The following TTC6 variants were observed in gnomAD, a reference collection of about 807,000 sequenced individuals.
The protein encoded by TTC6 is tetratricopeptide repeat domain 6, also known as tetratricopeptide repeat protein 6.
TTC6 carries 172 observed loss-of-function variants against 210.4 expected under a neutral mutation model. The observed-to-expected ratio is 0.82, with a 90% CI of 0.72 to 0.93. TTC6 has a LOEUF of 0.93. TTC6 is among the 40% of genes least tolerant of loss of function. The pLI is 0.00. For missense variants in TTC6, 2,414 were observed against 2,318.1 expected (o/e 1.04, Z -0.85); for synonymous variants, 804 against 819.6 (o/e 0.98, Z 0.32).
intron 14 of TTC6, among the ~76,000 whole-genome samples, chr14:37,783,530 T>C (rs1247117345): frequency 6.6e-6 from 1 of 152,176 alleles, no homozygotes; most frequent in Non-Finnish European, 1.5e-5. Flanking sequence ...TTTTTTTCTT[T>C]ATTAGTCTTG....
chr14:37,807,255 T>C (rs2096120271), intron 22 of TTC6, 65 bp from the exon 25 acceptor site: 3 of 1,367,078 alleles, frequency 2.2e-6, no homozygotes, highest in Non-Finnish European at 2.9e-6. Context: ...GTAGCATATA[T>C]TTTGGTAGAA....
At chr14:37,753,016 C>A in intron 13 of TTC6, 83 bp from the exon 16 acceptor site, 1 of 1,083,588 alleles carries the variant, frequency 9.2e-7, no homozygotes, top group Non-Finnish European at 1.2e-6. Context: ...AAGTTAAAAA[C>A]ATAGTTTTAG....
At chr14:37,827,330 A>T in exon 29 of TTC6, 1 of 1,613,170 alleles carries the variant, frequency 6.2e-7, no homozygotes, top group Non-Finnish European at 8.5e-7. Context: ...ACTTTAATGC[A>T]GGAAATATCT....
exon 1 of TTC6, chr14:37,622,463 G>A: frequency 6.5e-7 from 1 of 1,535,196 alleles, no homozygotes; most frequent in South Asian, 1.2e-5. Flanking sequence ...ACCAGGCCCT[G>A]AAAAAGCCCC....
At chr14:37,655,873 CTT>C (rs71433911) in intron 1 of TTC6, among the ~76,000 whole-genome samples, 26 of 144,062 alleles carry the variant, frequency 1.8e-4, no homozygotes, top group African/African-American at 3.6e-4. Flanking sequence ...TTGACTTCAG[CTT>C]TTTTTTTTTT....
At chr14:37,753,875 G>T (rs554663461) in intron 14 of TTC6, among the ~76,000 whole-genome samples, 5 of 149,732 alleles carry the variant, frequency 3.3e-5, no homozygotes, top group African/African-American at 1.2e-4. Context: ...GTTTTCATTT[G>T]TACATAGCAT....
intron 1 of TTC6, among the ~76,000 whole-genome samples, chr14:37,672,341 C>T (rs989683224): frequency 1.3e-5 from 2 of 152,078 alleles, no homozygotes; most frequent in Non-Finnish European, 2.9e-5. Context: ...AATTAGATTC[C>T]TATTGAACTT....
chr14:37,753,541 C>T (rs61627610), intron 14 of TTC6, among the ~76,000 whole-genome samples: 22,990 of 152,144 alleles, frequency 0.15, 1,920 homozygotes, highest in Non-Finnish European at 0.2. Context: ...GCACAGAAAA[C>T]TATTCATACA....
At chr14:37,768,517 T>G (rs1274383270) in intron 14 of TTC6, among the ~76,000 whole-genome samples, 1 of 152,154 alleles carries the variant, frequency 6.6e-6, no homozygotes, top group East Asian at 1.9e-4. Context: ...GGTCTTTCAC[T>G]TCCCTTGTAA....
chr14:37,677,071 G>A (rs1015432011), intron 1 of TTC6, among the ~76,000 whole-genome samples: 1 of 151,786 alleles, frequency 6.6e-6, no homozygotes, highest in Non-Finnish European at 1.5e-5. Flanking sequence ...ATGAATTTTA[G>A]GATCAGTTTT....
At chr14:37,787,735 T>C in intron 15 of TTC6, 98 bp downstream of exon 17, 1 of 940,056 alleles carries the variant, frequency 1.1e-6, no homozygotes, top group Non-Finnish European at 1.5e-6. Context: ...ACTAATGTAA[T>C]ATGTATACTA....
upstream of TTC6, among the ~76,000 whole-genome samples, chr14:37,617,491 G>A (rs1291951447): frequency 6.6e-6 from 1 of 152,122 alleles, no homozygotes. Flanking sequence ...ATGAGCACAT[G>A]TAAGTGGTTT....
At chr14:37,692,217 A>C (rs1595112249) in intron 3 of TTC6, among the ~76,000 whole-genome samples, 1 of 146,934 alleles carries the variant, frequency 6.8e-6, no homozygotes, top group African/African-American at 2.5e-5. Context: ...CCAAAAAAAA[A>C]AAAAAAAAAA....
intron 14 of TTC6, among the ~76,000 whole-genome samples, chr14:37,784,081 G>A (rs2139281846): frequency 6.6e-6 from 1 of 152,324 alleles, no homozygotes; most frequent in Non-Finnish European, 1.5e-5. Context: ...TAAGTCCGAT[G>A]TGGTGCTGAG....
intron 14 of TTC6, among the ~76,000 whole-genome samples, chr14:37,761,437 T>C (rs530566331): frequency 2.2e-4 from 33 of 152,042 alleles, no homozygotes; most frequent in Non-Finnish European, 2.8e-4. Flanking sequence ...GAACTCTTCC[T>C]ATGCGGCCAT....
intron 1 of TTC6, among the ~76,000 whole-genome samples, chr14:37,626,758 A>G (rs939561388): frequency 2.0e-4 from 30 of 152,186 alleles, no homozygotes; most frequent in Non-Finnish European, 3.5e-4. Flanking sequence ...AATCTGCAAC[A>G]AAAGCCTGCT....
intron 1 of TTC6, among the ~76,000 whole-genome samples, chr14:37,603,569 G>A (rs2095619739): frequency 6.6e-6 from 1 of 152,112 alleles, no homozygotes. Context: ...TAAATTTAGG[G>A]CGAAAGCTTT....
At chr14:37,600,632 C>A (rs1000355880) in intron 1 of TTC6, among the ~76,000 whole-genome samples, 2 of 152,172 alleles carry the variant, frequency 1.3e-5, no homozygotes, top group Non-Finnish European at 2.9e-5. Flanking sequence ...TATGCCATAT[C>A]CTTCACTTAG....
At chr14:37,781,248 G>A (rs1285404453) in intron 14 of TTC6, among the ~76,000 whole-genome samples, 2 of 152,166 alleles carry the variant, frequency 1.3e-5, no homozygotes, top group African/African-American at 2.4e-5. Flanking sequence ...CCCACCAACA[G>A]TGTAAAAGTG....
Sources: gnomAD v4.1 joint callset for allele counts (sites outside exome capture counted in the v4.1 genomes callset) on GRCh38, gnomAD v4.1.1 for gene constraint, MANE v1.5 for transcripts, NCBI Gene and HGNC (gene_info 2026-07-23, HGNC 2026-07-21) for gene names.